TRAK1: variants seen among roughly 807,000 people sequenced by gnomAD.
The protein encoded by TRAK1 is trafficking kinesin-binding protein 1.
Under a neutral mutation model 92.1 loss-of-function variants are expected in TRAK1, and 33 were observed. The ratio of observed to expected loss-of-function variants is 0.36; its 90% CI spans 0.27 to 0.48. The LOEUF is 0.48. Ranked by LOEUF, TRAK1 falls within the 20% of genes least tolerant of loss-of-function variation. The pLI is 0.99. For missense variants in TRAK1, 1,123 were observed against 1,257.9 expected (o/e 0.89, Z 1.62); for synonymous variants, 521 against 517.3 (o/e 1.01, Z -0.10).
At chr3:42,120,203 C>T (rs1420873782) in intron 1 of TRAK1, among the ~76,000 whole-genome samples, 1 of 152,122 alleles carries the variant, frequency 6.6e-6, no homozygotes, top group Non-Finnish European at 1.5e-5. Flanking sequence ...GATGGTTTGA[C>T]AGGCTGGGGG....
At chr3:42,091,642 GTC>G (rs1705079779) in intron 1 of TRAK1, 82 bp downstream of exon 1, 4 of 1,389,344 alleles carry the variant, frequency 2.9e-6, no homozygotes, top group Admixed American at 2.3e-5. Flanking sequence ...AGGAGAAGCT[GTC>G]TCTCTCTTGC....
At chr3:42,066,426 G>GGAGAGA (rs138060933) in intron 1 of TRAK1, among the ~76,000 whole-genome samples, 1 of 149,694 alleles carries the variant, frequency 6.7e-6, no homozygotes, top group East Asian at 2.0e-4. Flanking sequence ...GGATGGTCAT[G>GGAGAGA]GAGAGAGAGA....
chr3:42,178,295 G>A (rs529592065), intron 3 of TRAK1, among the ~76,000 whole-genome samples: 4 of 152,028 alleles, frequency 2.6e-5, no homozygotes, highest in East Asian at 3.9e-4. Flanking sequence ...TCTGTGACCC[G>A]CTCACCCTTT....
intron 1 of TRAK1, among the ~76,000 whole-genome samples, chr3:42,074,035 T>A (rs901848245): frequency 8.5e-5 from 13 of 152,176 alleles, no homozygotes; most frequent in African/African-American, 3.1e-4. Flanking sequence ...AGTGGACAGA[T>A]GTAGGAGAAT....
intron 1 of TRAK1, among the ~76,000 whole-genome samples, chr3:42,056,594 G>C (rs1417823670): frequency 6.6e-6 from 1 of 152,140 alleles, no homozygotes; most frequent in African/African-American, 2.4e-5. Flanking sequence ...GATTATTAAA[G>C]AGATTATTTT....
chr3:42,090,876 A>T (rs561451439), upstream of TRAK1, among the ~76,000 whole-genome samples: 10 of 152,324 alleles, frequency 6.6e-5, no homozygotes, highest in East Asian at 1.9e-3. Flanking sequence ...AGACACTCTT[A>T]TGCGTTTAAG....
chr3:42,192,288 A>G (rs1465290066), intron 7 of TRAK1, among the ~76,000 whole-genome samples: 2 of 152,238 alleles, frequency 1.3e-5, no homozygotes, highest in Non-Finnish European at 2.9e-5. Flanking sequence ...ACTACCAGTA[A>G]TTTGATTTGT....
chr3:42,024,131 T>C (rs1284526158), intron 1 of TRAK1, among the ~76,000 whole-genome samples: 1 of 152,058 alleles, frequency 6.6e-6, no homozygotes, highest in Non-Finnish European at 1.5e-5. Flanking sequence ...GGATAGGAGT[T>C]TGAGGCAAGG....
intron 2 of TRAK1, among the ~76,000 whole-genome samples, chr3:42,161,403 G>T (rs373059067): frequency 3.9e-5 from 6 of 151,990 alleles, no homozygotes; most frequent in African/African-American, 9.7e-5. Flanking sequence ...TTGGGACGGG[G>T]TCTCACTCTG....
At chr3:42,101,388 T>A (rs1332245676) in intron 1 of TRAK1, among the ~76,000 whole-genome samples, 2 of 152,234 alleles carry the variant, frequency 1.3e-5, no homozygotes, top group Non-Finnish European at 2.9e-5. Context: ...GTGAACAGCT[T>A]AGAGTTTAGA....
chr3:42,145,396 G>A (rs1699197299), intron 2 of TRAK1, among the ~76,000 whole-genome samples: 1 of 150,914 alleles, frequency 6.6e-6, no homozygotes, highest in Non-Finnish European at 1.5e-5. Context: ...CGAGGCATGA[G>A]AATCCCTTGA....
intron 6 of TRAK1, 110 bp from the exon 7 acceptor site, chr3:42,191,448 T>C: frequency 1.2e-6 from 1 of 863,262 alleles, no homozygotes; most frequent in Non-Finnish European, 1.8e-6. Context: ...GGGGGAATGC[T>C]AAGGGCAGCT....
intron 1 of TRAK1, among the ~76,000 whole-genome samples, chr3:42,032,802 C>T (rs748185674): frequency 2.2e-4 from 34 of 152,152 alleles, no homozygotes; most frequent in South Asian, 6.2e-4. Context: ...GCGTGCCTGT[C>T]GTTCCAGCTA....
At chr3:42,055,324 C>G (rs1703157247) in intron 1 of TRAK1, among the ~76,000 whole-genome samples, 1 of 152,158 alleles carries the variant, frequency 6.6e-6, no homozygotes, top group African/African-American at 2.4e-5. Flanking sequence ...TTATAAAACT[C>G]TCTCCCATAG....
intron 2 of TRAK1, chr3:42,149,396 A>G (rs1288303050): frequency 2.1e-6 from 3 of 1,455,442 alleles, no homozygotes; most frequent in Non-Finnish European, 2.7e-6. Context: ...GACTGTCGTT[A>G]AGAATGTACA....
intron 1 of TRAK1, among the ~76,000 whole-genome samples, chr3:42,063,419 C>G (rs1018704941): frequency 6.6e-6 from 1 of 152,226 alleles, no homozygotes; most frequent in Non-Finnish European, 1.5e-5. Flanking sequence ...GGTGTGGTGG[C>G]TTGTGCCTGT....
At chr3:42,190,649 C>G (rs1159313232) in intron 6 of TRAK1, among the ~76,000 whole-genome samples, 1 of 152,188 alleles carries the variant, frequency 6.6e-6, no homozygotes, top group Non-Finnish European at 1.5e-5. Context: ...TCCTGCTACC[C>G]CACATCCATT....
intron 2 of TRAK1, among the ~76,000 whole-genome samples, chr3:42,141,919 T>C (rs1698711068): frequency 6.6e-6 from 1 of 152,056 alleles, no homozygotes; most frequent in Non-Finnish European, 1.5e-5. Flanking sequence ...GCAGATCACT[T>C]CAGGTCAGGA....
chr3:42,160,311 C>A, intron 2 of TRAK1: 1 of 1,605,962 alleles, frequency 6.2e-7, no homozygotes, highest in East Asian at 2.2e-5. Context: ...CGGGGGCACC[C>A]CCAAGGATGG....
Sources: allele counts gnomAD v4.1 joint callset (sites outside exome capture counted in the v4.1 genomes callset), GRCh38; gene constraint gnomAD v4.1.1; transcripts MANE v1.5; gene names NCBI Gene and HGNC (gene_info 2026-07-23, HGNC 2026-07-21).